The following NADK2 variants were observed in gnomAD, a reference collection of about 807,000 sequenced individuals.
NADK2 encodes the protein NAD kinase 2, mitochondrial.
NADK2 carries 35 observed loss-of-function variants against 62.1 expected under a neutral mutation model. The ratio of observed to expected loss-of-function variants is 0.56; its 90% CI spans 0.43 to 0.75. NADK2 has a LOEUF of 0.75. Ranked by LOEUF, NADK2 falls within the 30% of genes least tolerant of loss-of-function variation. The probability of loss-of-function intolerance (pLI) is 0.00; values close to 1 mark genes in which losing one functional copy is unlikely to be tolerated. For synonymous variants in NADK2, 205 were observed against 207.9 expected, an observed-to-expected ratio of 0.99 and a Z score of 0.12; for missense variants, 439 against 561.3, an observed-to-expected ratio of 0.78 and a Z score of 2.20.
chr5:36,241,352 A>C lies in NADK2; in HGVS notation c.300+147T>G. The C allele has an allele frequency of 7.6e-7, 1 of 1,318,144 alleles. No homozygotes were observed. Among genetic ancestry groups the C allele is most frequent in the East Asian group, 3.2e-5 (1 of 31,252 alleles). 81.7% of individuals were successfully genotyped at this position (1,318,144 alleles called of 1,614,324 possible). ...GGCAAAGGAGGCCCAGGGAGAAGCC[A>C]GAGGACCTGGGGGCCGCGAGAGAGG... On this transcript the variant is annotated intron_variant, in intron 1 of 11. Coordinates refer to ENST00000381937, the MANE Select transcript of NADK2 (RefSeq NM_001085411.3). This position sits in a 1 kb window ranked among gnomAD's most constrained non-coding sequence, Gnocchi z 4.9.
intron 10 of NADK2, 64 bp downstream of exon 10, chr5:36,200,163 C>T (rs746308193): frequency 8.4e-7 from 1 of 1,184,956 alleles, no homozygotes; most frequent in Non-Finnish European, 1.2e-6. Flanking sequence ...CAACACTTCA[C>T]ACTATCATCC....
At chr5:36,217,923 G>C in intron 5 of NADK2, 39 bp from the exon 6 acceptor site, 1 of 1,577,186 alleles carries the variant, frequency 6.3e-7, no homozygotes, top group Non-Finnish European at 8.7e-7. Flanking sequence ...TGTTAAAATA[G>C]AATAAATTAA....
At chr5:36,239,021 T>C (rs1355358165) in intron 1 of NADK2, among the ~76,000 whole-genome samples, 1 of 152,138 alleles carries the variant, frequency 6.6e-6, no homozygotes, top group Non-Finnish European at 1.5e-5. Context: ...TTTTAACAAA[T>C]AGCCTAAAAC....
At chr5:36,226,373 A>C (rs1263404610) in intron 3 of NADK2, 102 bp downstream of exon 3, 3 of 809,278 alleles carry the variant, frequency 3.7e-6, no homozygotes, top group Non-Finnish European at 5.9e-6. Flanking sequence ...TTTAATGGTA[A>C]GACTCTGAAG....
chr5:36,208,598 T>C (rs1746724951), intron 7 of NADK2: 3 of 1,468,860 alleles, frequency 2.0e-6, no homozygotes, highest in Non-Finnish European at 2.7e-6. Context: ...AGGGAAATTA[T>C]TTTTTTAAGG....
intron 1 of NADK2, among the ~76,000 whole-genome samples, chr5:36,234,598 C>T (rs1207218947): frequency 6.6e-6 from 1 of 152,060 alleles, no homozygotes; most frequent in African/African-American, 2.4e-5. Flanking sequence ...ATACACTTAA[C>T]GTCAAGGCAG....
chr5:36,218,205 A>G (rs914019587), intron 5 of NADK2: 1 of 176,504 alleles, frequency 5.7e-6, no homozygotes, highest in Non-Finnish European at 1.2e-5. Context: ...TGCTCAGCAA[A>G]AAATATTATA....
chr5:36,201,249 A>G, intron 8 of NADK2, 88 bp from the exon 9 acceptor site: 3 of 1,168,236 alleles, frequency 2.6e-6, no homozygotes, highest in Non-Finnish European at 2.5e-6. Context: ...AATATAGAAA[A>G]TTCTTAGAAA....
In NADK2 at chr5:36,241,662, T is replaced by C. The variant is rs1748132654; in HGVS notation, c.137A>G (p.His46Arg). ...RLGGDGGGRR[H>R]LGQGQPRELA... Reference sequence around the variant, plus strand: ...CTCGCGCGGCTGCCCCTGCCCCAGGTGCCGCCGGCCGCCACCGTCACCGCC... The same window carrying C: ...CTCGCGCGGCTGCCCCTGCCCCAGGCGCCGCCGGCCGCCACCGTCACCGCC... The change falls in exon 1 of 12, where the codon CAC becomes CGC. Residue 46 changes from histidine (H) to arginine (R), a missense_variant. Transcript: ENST00000381937. This position sits in a 1 kb window ranked among gnomAD's most constrained non-coding sequence, Gnocchi z 4.9. 3 of 1,242,788 alleles carry C rather than the reference T, an allele frequency of 2.4e-6. No homozygotes were observed. In the South Asian group the frequency reaches 8.7e-5, roughly 36 times the overall value. The allele number at this position is 1,242,788 out of a possible 1,614,324, so 77.0% of individuals were successfully genotyped here.
intron 1 of NADK2, among the ~76,000 whole-genome samples, chr5:36,234,904 C>T (rs2112197510): frequency 6.6e-6 from 1 of 152,262 alleles, no homozygotes; most frequent in East Asian, 1.9e-4. Flanking sequence ...TCTCTCCCTT[C>T]CCTGTACTCC....
intron 6 of NADK2, among the ~76,000 whole-genome samples, chr5:36,217,391 T>C (rs973693509): frequency 1.3e-5 from 2 of 152,178 alleles, no homozygotes; most frequent in Middle Eastern, 3.4e-3. Flanking sequence ...CTATATAACA[T>C]GTATAACCAT....
At chr5:36,200,397 GTTA>G (rs1464974729) in intron 9 of NADK2, 117 bp from the exon 10 acceptor site, 6 of 420,446 alleles carry the variant, frequency 1.4e-5, no homozygotes, top group East Asian at 4.7e-5. Flanking sequence ...ATATATATAT[GTTA>G]TTATGTAACA....
chr5:36,216,962 T>C (rs1378914958), intron 6 of NADK2, among the ~76,000 whole-genome samples: 3 of 152,058 alleles, frequency 2.0e-5, no homozygotes, highest in Non-Finnish European at 1.5e-5. Context: ...AAACACAACA[T>C]AAACACATAT....
At chr5:36,221,021 A>C (rs182963915) in intron 4 of NADK2, 4 of 152,314 alleles carry the variant, frequency 2.6e-5, no homozygotes, top group Admixed American at 2.0e-4. Flanking sequence ...ACACATTCTC[A>C]CATCATATTC....
intron 6 of NADK2, among the ~76,000 whole-genome samples, chr5:36,214,558 GAC>G (rs1254414984): frequency 6.6e-5 from 10 of 152,142 alleles, no homozygotes; most frequent in African/African-American, 2.4e-4. Context: ...TAATACTAGT[GAC>G]ACAAACTACT....
At chr5:36,208,242 T>G (rs983826642) in intron 7 of NADK2, among the ~76,000 whole-genome samples, 5 of 152,134 alleles carry the variant, frequency 3.3e-5, no homozygotes, top group African/African-American at 1.2e-4. Context: ...TTTCACTTTT[T>G]TCTCTATAGT....
At chr5:36,213,634 G>GATATATATATATATATATATATATATTT (rs1746937068) in intron 6 of NADK2, among the ~76,000 whole-genome samples, 1 of 23,628 alleles carries the variant, frequency 4.2e-5, no homozygotes, top group Admixed American at 3.6e-4. Flanking sequence ...TATATATATG[G>GATATATATATATATATATATATATATTT]ATTTGATATG....
intron 1 of NADK2, among the ~76,000 whole-genome samples, chr5:36,238,506 G>A (rs1365268698): frequency 6.6e-6 from 1 of 152,080 alleles, no homozygotes; most frequent in African/African-American, 2.4e-5. Context: ...CCCATCCCTG[G>A]TGACAGGTGA....
chr5:36,231,600 T>C (rs987989431), intron 1 of NADK2, among the ~76,000 whole-genome samples: 4 of 152,210 alleles, frequency 2.6e-5, no homozygotes, highest in Non-Finnish European at 5.9e-5. Context: ...AAATCACTAT[T>C]CAACTGGCTT....
Sources: allele counts gnomAD v4.1 joint callset (sites outside exome capture counted in the v4.1 genomes callset), GRCh38; gene constraint gnomAD v4.1.1; non-coding constraint Gnocchi (gnomAD v3.1); transcripts MANE v1.5; gene names NCBI Gene and HGNC (gene_info 2026-07-23, HGNC 2026-07-21).